Variants in SLC4A4 observed in about 807,000 individuals in gnomAD.
SLC4A4 encodes the protein electrogenic sodium bicarbonate cotransporter 1.
Under a neutral mutation model 111.5 loss-of-function variants are expected in SLC4A4, and 27 were observed. The observed-to-expected ratio is 0.24, with a 90% confidence interval of 0.18 to 0.33. The LOEUF (loss-of-function observed/expected upper bound fraction) is 0.33, where lower values mean the gene tolerates loss of function less well. Ranked by LOEUF, SLC4A4 falls within the 10% of genes least tolerant of loss-of-function variation. The probability of loss-of-function intolerance (pLI) is 1.00; values close to 1 mark genes in which losing one functional copy is unlikely to be tolerated. For synonymous variants in SLC4A4, 443 were observed against 463.4 expected (o/e 0.96, Z 0.57); for missense variants, 909 against 1,315.5 (o/e 0.69, Z 4.78).
intron 3 of SLC4A4, among the ~76,000 whole-genome samples, chr4:71,324,079 T>G (rs1727320863): frequency 6.6e-6 from 1 of 151,868 alleles, no homozygotes; most frequent in South Asian, 2.1e-4. Context: ...CCCAGCAAAT[T>G]CTTGGGATGT....
intron 7 of SLC4A4, among the ~76,000 whole-genome samples, chr4:71,424,970 C>T (rs983654482): frequency 6.6e-6 from 1 of 151,696 alleles, no homozygotes; most frequent in Non-Finnish European, 1.5e-5. Context: ...TGCACGTGTA[C>T]CCTAAAACTT....
intron 1 of SLC4A4, among the ~76,000 whole-genome samples, chr4:71,228,791 T>C (rs1375044130): frequency 6.6e-6 from 1 of 152,232 alleles, no homozygotes; most frequent in Non-Finnish European, 1.5e-5. Context: ...AGGTTACTGG[T>C]GCAGAAAAGC....
intron 1 of SLC4A4, among the ~76,000 whole-genome samples, chr4:71,083,360 A>C (rs931348863): frequency 2.0e-5 from 3 of 151,378 alleles, no homozygotes; most frequent in Non-Finnish European, 4.4e-5. Context: ...ACTACTGTAG[A>C]GATTATATTT....
At chr4:71,226,173 C>G (rs1419309289) in intron 1 of SLC4A4, among the ~76,000 whole-genome samples, 1 of 152,110 alleles carries the variant, frequency 6.6e-6, no homozygotes, top group Non-Finnish European at 1.5e-5. Flanking sequence ...CACTATGTTG[C>G]ATAGGCCGGA....
At chr4:71,353,447 A>C (rs926752531) in intron 5 of SLC4A4, among the ~76,000 whole-genome samples, 1 of 152,196 alleles carries the variant, frequency 6.6e-6, no homozygotes, top group African/African-American at 2.4e-5. Context: ...GGAGAAGAGC[A>C]TGTTTGAAAG....
intron 7 of SLC4A4, among the ~76,000 whole-genome samples, chr4:71,429,568 T>C: frequency 6.6e-6 from 1 of 152,190 alleles, no homozygotes; most frequent in East Asian, 1.9e-4. Flanking sequence ...GAGCTGATGT[T>C]AATAGCCTGG....
At chr4:71,075,438 C>G (rs1741783490) in intron 1 of SLC4A4, among the ~76,000 whole-genome samples, 1 of 152,168 alleles carries the variant, frequency 6.6e-6, no homozygotes, top group Non-Finnish European at 1.5e-5. Context: ...CCTTGCCATG[C>G]TCTGTAAGGT....
chr4:71,554,043 T>G (rs1285775684), intron 20 of SLC4A4, among the ~76,000 whole-genome samples: 1 of 151,932 alleles, frequency 6.6e-6, no homozygotes, highest in African/African-American at 2.4e-5. Flanking sequence ...GAAATATTTG[T>G]TACACATTTT....
intron 1 of SLC4A4, among the ~76,000 whole-genome samples, chr4:71,232,152 T>A (rs1719476416): frequency 6.6e-6 from 1 of 152,210 alleles, no homozygotes; most frequent in African/African-American, 2.4e-5. Flanking sequence ...AAGAGGCTGC[T>A]TTGAGATGCT....
At chr4:71,537,104 A>G (rs1734573785) in intron 18 of SLC4A4, among the ~76,000 whole-genome samples, 1 of 151,624 alleles carries the variant, frequency 6.6e-6, no homozygotes, top group South Asian at 2.1e-4. Context: ...TCCTCTGCTC[A>G]ATGGGTTTCT....
chr4:71,554,917 C>A (rs1454067134), intron 20 of SLC4A4, among the ~76,000 whole-genome samples: 2 of 151,680 alleles, frequency 1.3e-5, no homozygotes, highest in African/African-American at 4.8e-5. Flanking sequence ...AAAAAACAAG[C>A]ATCCAATGAA....
At chr4:71,322,294 G>T (rs530967891) in intron 3 of SLC4A4, among the ~76,000 whole-genome samples, 1 of 151,910 alleles carries the variant, frequency 6.6e-6, no homozygotes, top group Non-Finnish European at 1.5e-5. Context: ...GGCAATGTGG[G>T]GATGAAGTCA....
rs754899558 is a variant in SLC4A4 at position 71,430,237 on chromosome 4, G to T, written c.808-10379G>T. Among the ~76,000 whole-genome samples the T allele has an allele frequency of 3.2e-4, 48 of 152,046 alleles. 1 individual carries two copies. Among genetic ancestry groups the T allele is most frequent in the Non-Finnish European group, 6.3e-4 (43 of 67,988 alleles). ...TTCATTGCAGCATTACAGGGTGTCT[G>T]TTTTCTACAGTGCCTTCTTATTACT... is the stretch of plus-strand genomic sequence containing the variant. On this transcript the variant is annotated intron_variant, in intron 7 of 25. Transcript: ENST00000264485.
At chr4:71,116,849 A>C (rs1337436308) in intron 2 of SLC4A4, among the ~76,000 whole-genome samples, 1 of 152,140 alleles carries the variant, frequency 6.6e-6, no homozygotes, top group Non-Finnish European at 1.5e-5. Context: ...AGGCTGAGGC[A>C]GAAGAATGGC....
chr4:71,145,026 A>C (rs1259949715), intron 2 of SLC4A4, among the ~76,000 whole-genome samples: 1 of 152,118 alleles, frequency 6.6e-6, no homozygotes, highest in Non-Finnish European at 1.5e-5. Context: ...GTCTTGTGCC[A>C]GTTTTCAAAG....
At chr4:71,246,147 A>G (rs1329437920) in intron 2 of SLC4A4, among the ~76,000 whole-genome samples, 7 of 152,186 alleles carry the variant, frequency 4.6e-5, no homozygotes, top group Non-Finnish European at 2.9e-5. Flanking sequence ...CTTTCCCTCT[A>G]TGTGCTCCAC....
intron 16 of SLC4A4, among the ~76,000 whole-genome samples, chr4:71,506,030 A>G (rs561133563): frequency 4.6e-5 from 7 of 151,852 alleles, no homozygotes; most frequent in Non-Finnish European, 8.8e-5. Flanking sequence ...TTGATTTTCT[A>G]TTTAGTTCCA....
intron 12 of SLC4A4, among the ~76,000 whole-genome samples, chr4:71,461,612 G>A (rs902234748): frequency 6.6e-6 from 1 of 152,118 alleles, no homozygotes; most frequent in Non-Finnish European, 1.5e-5. Context: ...GTTGCTGAAA[G>A]ACATAAAATG....
At chr4:71,285,153 T>G (rs995132476) in intron 3 of SLC4A4, among the ~76,000 whole-genome samples, 1 of 152,190 alleles carries the variant, frequency 6.6e-6, no homozygotes, top group Non-Finnish European at 1.5e-5. Context: ...CCTTAAGCAC[T>G]GCATCAAGGA....
Sources: gnomAD v4.1 joint callset for allele counts (sites outside exome capture counted in the v4.1 genomes callset) on GRCh38, gnomAD v4.1.1 for gene constraint, MANE v1.5 for transcripts, NCBI Gene and HGNC (gene_info 2026-07-23, HGNC 2026-07-21) for gene names.